Variants in JAZF1 observed in about 807,000 individuals in gnomAD.
JAZF1 encodes juxtaposed with another zinc finger protein 1.
A neutral mutation model predicts 26.4 loss-of-function variants in JAZF1; 8 were observed. The observed-to-expected ratio is 0.30, with a 90% CI of 0.18 to 0.55. The LOEUF (loss-of-function observed/expected upper bound fraction) is 0.55. JAZF1 is among the 20% of genes least tolerant of loss of function. The pLI is 0.94. For missense variants in JAZF1, 199 were observed against 322.0 expected (o/e 0.62, Z 2.92); for synonymous variants, 126 against 122.3 (o/e 1.03, Z -0.20).
At chr7:28,049,581 A>C (rs1458085719) in intron 1 of JAZF1, among the ~76,000 whole-genome samples, 1 of 152,100 alleles carries the variant, frequency 6.6e-6, no homozygotes, top group South Asian at 2.1e-4. Flanking sequence ...GTCCTGCAAG[A>C]ATGTCCCTAT....
intron 1 of JAZF1, among the ~76,000 whole-genome samples, chr7:28,129,006 AGTAGCTCTGAGAATCACT>A (rs910136416): frequency 1.8e-4 from 28 of 152,226 alleles, no homozygotes; most frequent in Middle Eastern, 3.4e-3. Flanking sequence ...GCCTTCTGAG[AGTAGCTCTGAGAATCACT>A]GGGTTCTCTG....
chr7:27,959,224 ATCAGGGTTCCCTGAAC>A (rs1007779538), intron 2 of JAZF1, among the ~76,000 whole-genome samples: 59 of 152,322 alleles, frequency 3.9e-4, no homozygotes, highest in African/African-American at 1.3e-3. Context: ...TCTAATTATG[ATCAGGGTTCCCTGAAC>A]AAATCTCAGG....
chr7:27,950,149 G>A (rs739704), intron 2 of JAZF1, among the ~76,000 whole-genome samples: 34,540 of 152,184 alleles, frequency 0.23, 4,478 homozygotes, highest in East Asian at 0.48. Context: ...TCATGAGCAT[G>A]TCAAATGAGA....
At chr7:28,090,808 T>G (rs1784281853) in intron 1 of JAZF1, among the ~76,000 whole-genome samples, 1 of 150,360 alleles carries the variant, frequency 6.7e-6, no homozygotes, top group African/African-American at 2.5e-5. Flanking sequence ...CACAGACTTT[T>G]TTTTAGTTGT....
chr7:28,013,324 A>G (rs61474284), intron 1 of JAZF1, among the ~76,000 whole-genome samples: 2,548 of 152,270 alleles, frequency 0.017, 61 homozygotes, highest in African/African-American at 0.056. Flanking sequence ...CTAAATACTA[A>G]TGGAATACAT....
chr7:28,100,138 G>A (rs1430988315), intron 1 of JAZF1, among the ~76,000 whole-genome samples: 1 of 152,232 alleles, frequency 6.6e-6, no homozygotes, highest in Non-Finnish European at 1.5e-5. Flanking sequence ...AAAGGACAAA[G>A]CAGAAAGTTC....
chr7:27,847,906 G>A (rs533087963), intron 3 of JAZF1, among the ~76,000 whole-genome samples: 1 of 152,224 alleles, frequency 6.6e-6, no homozygotes, highest in East Asian at 1.9e-4. Flanking sequence ...GACCTCAGGT[G>A]ATCCGCCCGT....
intron 3 of JAZF1, among the ~76,000 whole-genome samples, chr7:27,861,792 A>T (rs1164665114): frequency 6.6e-6 from 1 of 152,206 alleles, no homozygotes; most frequent in African/African-American, 2.4e-5. Flanking sequence ...AGGTGGGTCT[A>T]TCAAATGGTG....
chr7:27,884,672 T>C (rs1376202817), intron 3 of JAZF1, among the ~76,000 whole-genome samples: 1 of 152,210 alleles, frequency 6.6e-6, no homozygotes, highest in Non-Finnish European at 1.5e-5. Flanking sequence ...CATCCATTTG[T>C]TGTGTGTGTA....
intron 1 of JAZF1, among the ~76,000 whole-genome samples, chr7:28,037,863 T>C (rs550639720): frequency 6.6e-6 from 1 of 152,212 alleles, no homozygotes; most frequent in Non-Finnish European, 1.5e-5. Context: ...TTGGACAGCA[T>C]GAATTATCAC....
chr7:28,073,584 A>G (rs968210447), intron 1 of JAZF1, among the ~76,000 whole-genome samples: 2 of 152,210 alleles, frequency 1.3e-5, no homozygotes, highest in Non-Finnish European at 2.9e-5. Flanking sequence ...CACAAGGTAC[A>G]CTTAGAACCA....
intron 1 of JAZF1, among the ~76,000 whole-genome samples, chr7:28,065,930 T>G (rs1783873947): frequency 6.6e-6 from 1 of 152,074 alleles, no homozygotes; most frequent in African/African-American, 2.4e-5. Context: ...ATGAAGGAAA[T>G]TTTTACTTGT....
intron 1 of JAZF1, among the ~76,000 whole-genome samples, chr7:28,051,508 G>A (rs755462562): frequency 2.0e-5 from 3 of 151,982 alleles, no homozygotes; most frequent in East Asian, 1.9e-4. Context: ...CACCGCATCC[G>A]GCTGTGAGTA....
intron 2 of JAZF1, among the ~76,000 whole-genome samples, chr7:27,911,700 G>A (rs1784362784): frequency 6.6e-6 from 1 of 152,146 alleles, no homozygotes; most frequent in Admixed American, 6.5e-5. Flanking sequence ...GATACGCTGG[G>A]TGTGAAATGG....
At chr7:27,892,457 T>C (rs10244184) in intron 3 of JAZF1, among the ~76,000 whole-genome samples, 28,429 of 152,162 alleles carry the variant, frequency 0.19, 3,420 homozygotes, top group Non-Finnish European at 0.27. Flanking sequence ...TTAAACTGTC[T>C]TTATTTTCAT....
intron 1 of JAZF1, among the ~76,000 whole-genome samples, chr7:28,079,790 C>A (rs1784106845): frequency 6.6e-6 from 1 of 152,190 alleles, no homozygotes; most frequent in Admixed American, 6.5e-5. Context: ...CTGTTAATAA[C>A]CTTTATTGAC....
At chr7:27,872,179 A>T (rs1026335504) in intron 3 of JAZF1, among the ~76,000 whole-genome samples, 1 of 152,196 alleles carries the variant, frequency 6.6e-6, no homozygotes, top group Non-Finnish European at 1.5e-5. Flanking sequence ...CAGGAAAAAC[A>T]TGATAAACCA....
intron 2 of JAZF1, among the ~76,000 whole-genome samples, chr7:27,900,173 G>C (rs537611651): frequency 1.9e-3 from 284 of 152,316 alleles, no homozygotes; most frequent in Non-Finnish European, 3.3e-3. Flanking sequence ...ACACTGCTCT[G>C]ATCTGGCAGC....
chr7:28,136,809 A>G (rs919611762), intron 1 of JAZF1, among the ~76,000 whole-genome samples: 47 of 152,202 alleles, frequency 3.1e-4, no homozygotes, highest in Non-Finnish European at 4.4e-5. Flanking sequence ...GACCCAGCCT[A>G]TGGTGAGGAA....
Sources: allele counts gnomAD v4.1 joint callset (sites outside exome capture counted in the v4.1 genomes callset), GRCh38; gene constraint gnomAD v4.1.1; transcripts MANE v1.5; gene names NCBI Gene and HGNC (gene_info 2026-07-23, HGNC 2026-07-21).